Variants in PHEX observed in about 807,000 individuals in gnomAD.
PHEX encodes the protein phosphate regulating endopeptidase X-linked.
Under a neutral mutation model 68.0 loss-of-function variants are expected in PHEX, and 16 were observed. The observed-to-expected ratio is 0.24, with a 90% confidence interval of 0.16 to 0.36. The LOEUF (loss-of-function observed/expected upper bound fraction) is 0.36, where lower values mean the gene tolerates loss of function less well. PHEX is among the 10% of genes least tolerant of loss of function. The pLI is 1.00. For synonymous variants in PHEX, 208 were observed against 205.1 expected (o/e 1.01, Z -0.12); for missense variants, 480 against 575.5 (o/e 0.83, Z 1.70).
At chrX:22,234,664 G>T (rs763389830) in intron 20 of PHEX, among the ~76,000 whole-genome samples, 37 of 110,476 alleles carry the variant, frequency 3.3e-4, no homozygotes, top group Middle Eastern at 4.6e-3. Flanking sequence ...TGCTGTACTG[G>T]CAGCGAGAAT....
At chrX:22,123,113 C>T (rs909462585) in intron 11 of PHEX, among the ~76,000 whole-genome samples, 11 of 107,235 alleles carry the variant, frequency 1.0e-4, no homozygotes, top group African/African-American at 1.7e-4. Flanking sequence ...CTTTAGCCTG[C>T]GAGTAGCTGG....
In PHEX at chrX:22,249,568, T is replaced by C. The variant is rs1371051674; in HGVS notation, c.*1615T>C. ...GGAGAAAAATGGAGGGGCACCATCA[T>C]GAGGAAACAATTATACTGCATTAGT... is the stretch of plus-strand genomic sequence containing the variant. On this transcript the variant is annotated 3_prime_UTR_variant, in exon 22 of 22. Transcript: ENST00000379374. 1.0e-5 allele frequency: 1 copy of C among 100,342 alleles called. No homozygotes were observed. Among genetic ancestry groups the C allele is most frequent in the Non-Finnish European group, 2.0e-5 (1 of 50,446 alleles). 8.3% of individuals were successfully genotyped at this position (100,342 alleles called of 1,213,427 possible).
intron 2 of PHEX, among the ~76,000 whole-genome samples, chrX:22,045,382 A>G (rs1310759485): frequency 2.7e-5 from 3 of 111,195 alleles, no homozygotes; most frequent in African/African-American, 1.0e-4. Flanking sequence ...TTTCAATGTC[A>G]TTAAAATATT....
At chrX:22,189,323 A>G (rs1414932901) in intron 14 of PHEX, among the ~76,000 whole-genome samples, 1 of 112,459 alleles carries the variant, frequency 8.9e-6, no homozygotes, top group Non-Finnish European at 1.9e-5. Flanking sequence ...TGGTAGCTCC[A>G]TTTTTAGTTC....
chrX:22,068,141 C>CA (rs35241443), intron 3 of PHEX, among the ~76,000 whole-genome samples: 1,745 of 111,270 alleles, frequency 0.016, 37 homozygotes, highest in African/African-American at 0.054. Flanking sequence ...CCTGGCCTAA[C>CA]AAGCTCTCTT....
intron 5 of PHEX, among the ~76,000 whole-genome samples, chrX:22,087,198 C>T (rs1929663303): frequency 8.9e-6 from 1 of 112,304 alleles, no homozygotes; most frequent in Admixed American, 9.5e-5. Flanking sequence ...ATAATATCTA[C>T]ACAGTTTCCT....
intron 2 of PHEX, among the ~76,000 whole-genome samples, chrX:22,045,777 C>T (rs1002175936): frequency 1.1e-4 from 12 of 112,063 alleles, no homozygotes; most frequent in Non-Finnish European, 2.1e-4. Context: ...CAGCCCTCTC[C>T]TTCTACACCC....
chrX:22,239,099 AG>A (rs778440571), intron 20 of PHEX, among the ~76,000 whole-genome samples: 8 of 111,741 alleles, frequency 7.2e-5, no homozygotes, highest in Non-Finnish European at 1.3e-4. Flanking sequence ...GGGTCTGGAG[AG>A]GACCTCCAGC....
chrX:22,113,005 T>TTGTGTGTGTGTGTGTGTG (rs560422828), intron 10 of PHEX, among the ~76,000 whole-genome samples: 1 of 88,689 alleles, frequency 1.1e-5, no homozygotes. Context: ...CAAGTAGGTT[T>TTGTGTGTGTGTGTGTGTG]TGTGTGTGTG....
chrX:22,190,673 C>T (rs776977034), intron 15 of PHEX, among the ~76,000 whole-genome samples, 171 bp downstream of exon 15: 36 of 111,611 alleles, frequency 3.2e-4, no homozygotes, highest in Non-Finnish European at 5.3e-4. Context: ...ACTCTCTTCA[C>T]CTTACCAGTT....
At chrX:22,110,437 T>G (rs1274776086) in intron 9 of PHEX, among the ~76,000 whole-genome samples, 1 of 112,242 alleles carries the variant, frequency 8.9e-6, no homozygotes. Context: ...GACATATTCT[T>G]TTTTTTATCC....
intron 12 of PHEX, among the ~76,000 whole-genome samples, chrX:22,139,849 A>G (rs1263904895): frequency 9.0e-6 from 1 of 110,519 alleles, no homozygotes; most frequent in Non-Finnish European, 1.9e-5. Context: ...GCCAACATAT[A>G]TTTATTAAAG....
intron 1 of PHEX, among the ~76,000 whole-genome samples, chrX:22,034,600 C>T (rs1331719431): frequency 8.9e-6 from 1 of 111,857 alleles, no homozygotes; most frequent in Non-Finnish European, 1.9e-5. Flanking sequence ...GAGAACTTTC[C>T]AGCGTGCCCA....
chrX:22,192,607 TGACACG>T (rs1359635408), intron 15 of PHEX, among the ~76,000 whole-genome samples: 1 of 112,089 alleles, frequency 8.9e-6, no homozygotes, highest in Non-Finnish European at 1.9e-5. Context: ...AGAGCACACC[TGACACG>T]CTCTGCTCTG....
At chrX:22,080,674 A>C (rs960063549) in intron 5 of PHEX, among the ~76,000 whole-genome samples, 1 of 111,150 alleles carries the variant, frequency 9.0e-6, no homozygotes, top group African/African-American at 3.3e-5. Flanking sequence ...AGCCCCCCCC[A>C]CTTATAGGTT....
chrX:22,118,339 C>CAAAAAAAAAAAAAAAAAA lies in PHEX; in HGVS notation c.1302+3762_1302+3779dup, dbSNP rs1157170753. ...TGATTCATTTGTTTGTAAACAGCACCAAAAAAAAAAAAAAAAAAAAAAAAA... is the reference window on the plus strand; with the variant it reads ...TGATTCATTTGTTTGTAAACAGCACCAAAAAAAAAAAAAAAAAAAAAAAAAAAAAAAAAAAAAAAAAAA... On this transcript the variant is annotated intron_variant, in intron 11 of 21. Transcript: ENST00000379374. Among the ~76,000 whole-genome samples, 5 of 21,117 alleles carry CAAAAAAAAAAAAAAAAAA rather than the reference C, an allele frequency of 2.4e-4. 1 individual carries two copies. Among genetic ancestry groups the CAAAAAAAAAAAAAAAAAA allele is most frequent in the African/African-American group, 8.5e-4 (5 of 5,857 alleles). 18.3% of individuals were successfully genotyped at this position (21,117 alleles called of 115,157 possible). A position where few individuals can be genotyped will look rare whatever the true frequency, so the allele number is the denominator to read the frequency against.
At chrX:22,103,550 C>T (rs902507432) in intron 9 of PHEX, among the ~76,000 whole-genome samples, 1 of 111,378 alleles carries the variant, frequency 9.0e-6, no homozygotes, top group East Asian at 2.8e-4. Flanking sequence ...TGAGAACATG[C>T]GATATATGTT....
chrX:22,109,898 G>T (rs943079342), intron 9 of PHEX, among the ~76,000 whole-genome samples: 2 of 112,037 alleles, frequency 1.8e-5, no homozygotes, highest in East Asian at 2.8e-4. Context: ...CCTAGAAATT[G>T]ACTATTTGTC....
At chrX:22,120,783 A>G (rs1931452213) in intron 11 of PHEX, among the ~76,000 whole-genome samples, 1 of 111,997 alleles carries the variant, frequency 8.9e-6, no homozygotes, top group Non-Finnish European at 1.9e-5. Context: ...GCTCTGTAAG[A>G]TTTATTATCA....
Sources: allele counts gnomAD v4.1 joint callset (sites outside exome capture counted in the v4.1 genomes callset), GRCh38; gene constraint gnomAD v4.1.1; transcripts MANE v1.5; gene names NCBI Gene and HGNC (gene_info 2026-07-23, HGNC 2026-07-21).